LBH: variants seen among roughly 807,000 people sequenced by gnomAD.
LBH encodes the protein protein LBH.
Under a neutral mutation model 12.5 loss-of-function variants are expected in LBH, and 7 were observed. That is an observed-to-expected ratio of 0.56 (90% CI 0.32 to 1.05). LBH has a LOEUF of 1.05. Ranked by LOEUF, LBH falls within the 50% of genes least tolerant of loss-of-function variation. The probability of loss-of-function intolerance (pLI) is 0.04; values close to 1 mark genes in which losing one functional copy is unlikely to be tolerated. For synonymous variants in LBH, 51 were observed against 50.1 expected (o/e 1.02, Z -0.08); for missense variants, 119 against 138.9 (o/e 0.86, Z 0.72).
At chr2:30,239,762 G>A (rs1677755036) in intron 2 of LBH, among the ~76,000 whole-genome samples, 1 of 152,182 alleles carries the variant, frequency 6.6e-6, no homozygotes, top group Non-Finnish European at 1.5e-5. Context: ...TCTCTGAGTG[G>A]CACTGGGCCC....
chr2:30,257,264 A>G (rs879466805), intron 2 of LBH, among the ~76,000 whole-genome samples, 169 bp from the exon 3 acceptor site: 1 of 152,204 alleles, frequency 6.6e-6, no homozygotes, highest in Non-Finnish European at 1.5e-5. Flanking sequence ...TTGCCCCAGA[A>G]TATTCTCCCG....
At chr2:30,244,939 T>A (rs996407714) in intron 2 of LBH, among the ~76,000 whole-genome samples, 1 of 152,114 alleles carries the variant, frequency 6.6e-6, no homozygotes, top group Admixed American at 6.6e-5. Flanking sequence ...CAATAAAAAT[T>A]TACCTTTGTG....
chr2:30,255,217 G>A (rs775998865), intron 2 of LBH, among the ~76,000 whole-genome samples: 8 of 152,234 alleles, frequency 5.3e-5, no homozygotes, highest in Non-Finnish European at 8.8e-5. Flanking sequence ...CTTGGAGGGC[G>A]CCTTGTGTCC....
intron 2 of LBH, among the ~76,000 whole-genome samples, chr2:30,236,224 G>A (rs988577533): frequency 1.3e-4 from 20 of 152,340 alleles, no homozygotes; most frequent in East Asian, 7.7e-4. Context: ...CTATAGGGCC[G>A]TTTTCTCAAT....
At chr2:30,243,617 G>A (rs996566789) in intron 2 of LBH, among the ~76,000 whole-genome samples, 7 of 138,516 alleles carry the variant, frequency 5.1e-5, no homozygotes, top group East Asian at 2.3e-4. Flanking sequence ...TGCAACCTCC[G>A]CCTCCCTGGT....
intron 2 of LBH, among the ~76,000 whole-genome samples, chr2:30,250,858 C>T (rs1291825794): frequency 6.6e-6 from 1 of 152,022 alleles, no homozygotes; most frequent in African/African-American, 2.4e-5. Context: ...CCCTGGGATT[C>T]CCAGGAACAT....
chr2:30,251,587 A>G (rs1677978630), intron 2 of LBH, among the ~76,000 whole-genome samples: 1 of 149,068 alleles, frequency 6.7e-6, no homozygotes, highest in Non-Finnish European at 1.5e-5. Context: ...GGATCACTTG[A>G]TCCTGGAAGG....
chr2:30,234,318 C>T (rs527567077), intron 1 of LBH, 87 bp from the exon 2 acceptor site: 4 of 1,021,118 alleles, frequency 3.9e-6, no homozygotes, highest in East Asian at 2.4e-5. Context: ...CCAGACAGTC[C>T]CCTGATCCCA....
At chr2:30,235,474 C>T (rs2103555698) in intron 2 of LBH, among the ~76,000 whole-genome samples, 1 of 152,270 alleles carries the variant, frequency 6.6e-6, no homozygotes, top group Non-Finnish European at 1.5e-5. Flanking sequence ...CGCTGCCTTG[C>T]TCACATCTTA....
chr2:30,232,337 C>A, intron 1 of LBH: 1 of 1,212,632 alleles, frequency 8.2e-7, no homozygotes, highest in South Asian at 1.8e-5. Flanking sequence ...CTCTCCACCG[C>A]CCCTAAAAAC....
chr2:30,238,208 C>T (rs538332153), intron 2 of LBH, among the ~76,000 whole-genome samples: 46 of 152,328 alleles, frequency 3.0e-4, no homozygotes, highest in African/African-American at 9.9e-4. Context: ...CCGACACTGC[C>T]TCCACCCAAC....
chr2:30,257,322 T>C, intron 2 of LBH, 111 bp from the exon 3 acceptor site: 1 of 1,197,338 alleles, frequency 8.4e-7, no homozygotes. Context: ...CAAAGCACAG[T>C]CCCTGGCCTA....
intron 1 of LBH, chr2:30,232,434 G>A (rs1172538442): frequency 1.8e-6 from 1 of 569,686 alleles, no homozygotes. Flanking sequence ...GCGGGGCGTC[G>A]GAGGTTTGCC....
At chr2:30,235,633 G>A (rs1000130248) in intron 2 of LBH, among the ~76,000 whole-genome samples, 1 of 151,846 alleles carries the variant, frequency 6.6e-6, no homozygotes, top group Non-Finnish European at 1.5e-5. Context: ...CTAGGGTCTA[G>A]GTTGACTCTG....
intron 2 of LBH, among the ~76,000 whole-genome samples, chr2:30,248,289 C>G (rs1677911366): frequency 6.6e-6 from 1 of 152,058 alleles, no homozygotes; most frequent in African/African-American, 2.4e-5. Context: ...AGTGAGTCGT[C>G]CTGGTAGTGC....
At position 30,259,076 on chromosome 2, in the gene LBH, G is replaced by A. The variant is rs891824564; in HGVS notation, c.*1455G>A. 3 of 152,646 alleles carry A rather than the reference G, an allele frequency of 2.0e-5. No homozygotes were observed. Among genetic ancestry groups the A allele is most frequent in the African/African-American group, 7.2e-5 (3 of 41,440 alleles). The allele number at this position is 152,646 out of a possible 1,614,324, so 9.5% of individuals were successfully genotyped here. ...GCCGAGAGCAGTACCGTGTGGCCAA[G>A]AGGTGGACTCAGAGCCTTCCTTGAG... is the stretch of plus-strand genomic sequence containing the variant. On this transcript the variant is annotated 3_prime_UTR_variant, in exon 3 of 3. Coordinates refer to ENST00000395323, the MANE Select transcript of LBH (RefSeq NM_030915.4).
intron 2 of LBH, among the ~76,000 whole-genome samples, chr2:30,242,331 C>A (rs1437923420): frequency 6.6e-6 from 1 of 152,020 alleles, no homozygotes; most frequent in African/African-American, 2.4e-5. Flanking sequence ...GCAACCTCTG[C>A]CTTGTGGGTT....
intron 1 of LBH, chr2:30,232,407 A>G: frequency 1.3e-6 from 1 of 741,766 alleles, no homozygotes; most frequent in Admixed American, 3.6e-5. Flanking sequence ...CTGAAGGGGA[A>G]GGAGCCCGGG....
At chr2:30,247,153 A>G (rs547632897) in intron 2 of LBH, among the ~76,000 whole-genome samples, 3 of 152,268 alleles carry the variant, frequency 2.0e-5, no homozygotes, top group Admixed American at 6.5e-5. Flanking sequence ...GTTAGTGGCA[A>G]TGTGATATCT....
Sources: allele counts gnomAD v4.1 joint callset (sites outside exome capture counted in the v4.1 genomes callset), GRCh38; gene constraint gnomAD v4.1.1; transcripts MANE v1.5; gene names NCBI Gene and HGNC (gene_info 2026-07-23, HGNC 2026-07-21).